OTUD6B: variants seen among roughly 807,000 people sequenced by gnomAD.
The protein encoded by OTUD6B is OTU deubiquitinase 6B.
A neutral mutation model predicts 36.9 loss-of-function variants in OTUD6B; 41 were observed. That is an observed-to-expected ratio of 1.11 (90% CI 0.87 to 1.44). The LOEUF (loss-of-function observed/expected upper bound fraction) is 1.44. Among genes scored for constraint, OTUD6B ranks in the 40% most tolerant of loss-of-function variants. OTUD6B has a pLI of 0.00. For synonymous variants in OTUD6B, 114 were observed against 114.2 expected, an observed-to-expected ratio of 1.00 and a Z score of 0.01; for missense variants, 356 against 344.8, an observed-to-expected ratio of 1.03 and a Z score of -0.26.
At chr8:91,073,945 G>A in intron 3 of OTUD6B, 34 bp downstream of exon 3, 2 of 1,415,492 alleles carry the variant, frequency 1.4e-6, no homozygotes, top group East Asian at 4.8e-5. Context: ...ATATAAGTTA[G>A]TGCTGTGTGT....
At chr8:91,075,553 T>G (rs1812786487) in intron 3 of OTUD6B, among the ~76,000 whole-genome samples, 2 of 152,104 alleles carry the variant, frequency 1.3e-5, no homozygotes, top group African/African-American at 4.8e-5. Context: ...ATTTTGTTAC[T>G]TTTTCCCTAA....
intron 3 of OTUD6B, among the ~76,000 whole-genome samples, chr8:91,074,736 A>C (rs1368499870): frequency 6.6e-6 from 1 of 152,056 alleles, no homozygotes; most frequent in Admixed American, 6.6e-5. Context: ...GATGTTTTCT[A>C]TGGTTTAAAT....
At position 91,086,063 on chromosome 8, in the gene OTUD6B, A is replaced by G. The variant is rs1302064798; in HGVS notation, c.*1195A>G. On this transcript the variant is annotated 3_prime_UTR_variant, in exon 7 of 7. Coordinates refer to ENST00000404789, the MANE Select transcript of OTUD6B (RefSeq NM_016023.5). ...GCTCAGATTTCAGGTTACTCACAACAGTATTCTTTCTAAGAGGATATATAC... is the reference window on the plus strand; with the variant it reads ...GCTCAGATTTCAGGTTACTCACAACGGTATTCTTTCTAAGAGGATATATAC... The G allele has an allele frequency of 1.3e-5, 2 of 152,114 alleles. No individual in the cohort carries two copies. Among genetic ancestry groups the G allele is most frequent in the Non-Finnish European group, 2.9e-5 (2 of 67,992 alleles). The allele number at this position is 152,114 out of a possible 1,614,324, so 9.4% of individuals were successfully genotyped here. A position where few individuals can be genotyped will look rare whatever the true frequency, so the allele number is the denominator to read the frequency against.
intron 3 of OTUD6B, chr8:91,076,350 G>A: frequency 3.6e-6 from 2 of 553,748 alleles, no homozygotes; most frequent in Non-Finnish European, 4.6e-6. Flanking sequence ...AGTGCTCTTG[G>A]GAAACTATAT....
chr8:91,081,647 TG>T (rs1812910551), intron 5 of OTUD6B, among the ~76,000 whole-genome samples: 1 of 147,320 alleles, frequency 6.8e-6, no homozygotes, highest in Non-Finnish European at 1.5e-5. Flanking sequence ...TAAGCTGAAG[TG>T]CCAGATGGAT....
rs1048081039 is a variant in OTUD6B, at chr8:91,085,598, C to T, written c.*730C>T. 3 of 151,980 alleles carry T rather than the reference C, an allele frequency of 2.0e-5. No homozygotes were observed. Among genetic ancestry groups the T allele is most frequent in the African/African-American group, 7.2e-5 (3 of 41,412 alleles). 9.4% of individuals were successfully genotyped at this position (151,980 alleles called of 1,614,324 possible). On this transcript the variant is annotated 3_prime_UTR_variant, in exon 7 of 7. Coordinates refer to ENST00000404789, the MANE Select transcript of OTUD6B (RefSeq NM_016023.5). Reference sequence around the variant, plus strand: ...TAAAAAAGACCTAATAGGTTACTGTCTTTTTAATGCATTTGTTATTCTTTC... The same window carrying T: ...TAAAAAAGACCTAATAGGTTACTGTTTTTTTAATGCATTTGTTATTCTTTC...
chr8:91,082,606 C>G (rs1020997446), intron 5 of OTUD6B, among the ~76,000 whole-genome samples: 6 of 151,748 alleles, frequency 4.0e-5, no homozygotes, highest in Non-Finnish European at 8.8e-5. Context: ...GTGACTTTGA[C>G]AAGTCTTGTA....
In OTUD6B at chr8:91,078,574, C is replaced by T. The variant is rs770053877; in HGVS notation, c.534C>T (p.Ala178=). The T allele has an allele frequency of 4.4e-6, 7 of 1,606,814 alleles. No homozygotes were observed. The highest frequency in any genetic ancestry group is 1.3e-5 in the African/African-American group (1 of 74,896). The part of the protein sequence containing the change: ...KEKDCALTVV[A]LRSQTAEYMQ... ...AGGATTGTGCTCTGACTGTGGTTGC[C>T]TTGAGAAGTCAGACCGCTGAGTATA... Residue 178 remains alanine (A), a synonymous_variant, in exon 4 of 7, where the codon GCC becomes GCT. Coordinates refer to ENST00000404789, the MANE Select transcript of OTUD6B (RefSeq NM_016023.5).
intron 2 of OTUD6B, 56 bp downstream of exon 2, chr8:91,071,345 T>G: frequency 7.3e-7 from 1 of 1,376,684 alleles, no homozygotes. Context: ...GCTGTCCACT[T>G]CTGTTAAATG....
At chr8:91,079,400 G>C (rs1281741764) in intron 4 of OTUD6B, among the ~76,000 whole-genome samples, 2 of 152,052 alleles carry the variant, frequency 1.3e-5, no homozygotes, top group Non-Finnish European at 2.9e-5. Context: ...AGTGGAGTCT[G>C]TCCTCCATGG....
Position 91,086,522 on chromosome 8 carries a change from G to T in OTUD6B, c.*1654G>T, listed in dbSNP as rs1422943947. ...CTTTGGGTTTATTTTGAAGTAATCT[G>T]TTACTTTAAAATGTCAACATTAGGA... is the stretch of plus-strand genomic sequence containing the variant. On this transcript the variant is annotated 3_prime_UTR_variant, in exon 7 of 7. Coordinates refer to ENST00000404789, the MANE Select transcript of OTUD6B (RefSeq NM_016023.5). The T allele has an allele frequency of 6.6e-6, 1 of 151,974 alleles. No individual in the cohort carries two copies. The highest frequency in any genetic ancestry group is 1.5e-5 in the Non-Finnish European group (1 of 67,940). The allele number at this position is 151,974 out of a possible 1,614,324, so 9.4% of individuals were successfully genotyped here. A position where few individuals can be genotyped will look rare whatever the true frequency, so the allele number is the denominator to read the frequency against.
rs1214361666 is a variant in OTUD6B at position 91,073,898 on chromosome 8, C to T, written c.302C>T (p.Ala101Val). Residue 101 changes from alanine to valine, a missense_variant, in exon 3 of 7, where the codon GCA becomes GTA. Coordinates refer to ENST00000404789, the MANE Select transcript of OTUD6B (RefSeq NM_016023.5). ...AATCAGCCACCTCGGATATCAAAAG[C>T]ACAAAAGAGACGGGTATGAAAGTCA... Reference protein sequence around the residue: ...LENQPPRISKAQKRREKKAAL... With the variant: ...LENQPPRISKVQKRREKKAAL... 6.3e-7 allele frequency: 1 copy of T among 1,589,686 alleles called. No homozygotes were observed. Among genetic ancestry groups the T allele is most frequent in the East Asian group, 2.3e-5 (1 of 44,162 alleles).
intron 3 of OTUD6B, among the ~76,000 whole-genome samples, chr8:91,075,101 A>G (rs1175903662): frequency 6.6e-6 from 1 of 152,126 alleles, no homozygotes; most frequent in African/African-American, 2.4e-5. Flanking sequence ...AGTGCATACT[A>G]TGCCTCTTAA....
intron 3 of OTUD6B, among the ~76,000 whole-genome samples, chr8:91,075,572 A>C (rs1812789301): frequency 6.6e-6 from 1 of 152,098 alleles, no homozygotes. Context: ...AAGATACTGC[A>C]CAACTGGAAT....
intron 3 of OTUD6B, among the ~76,000 whole-genome samples, chr8:91,074,148 C>G (rs1308160088): frequency 1.3e-5 from 2 of 152,060 alleles, no homozygotes; most frequent in African/African-American, 4.8e-5. Flanking sequence ...ATTTCTTATC[C>G]CCATTTTATG....
At chr8:91,077,528 T>G (rs893263255) in intron 3 of OTUD6B, among the ~76,000 whole-genome samples, 2 of 151,964 alleles carry the variant, frequency 1.3e-5, no homozygotes, top group Non-Finnish European at 2.9e-5. Flanking sequence ...TTTCCTTTCT[T>G]CTTCCCCAAC....
chr8:91,074,850 T>A (rs964783384), intron 3 of OTUD6B, among the ~76,000 whole-genome samples: 1 of 152,106 alleles, frequency 6.6e-6, no homozygotes, highest in Non-Finnish European at 1.5e-5. Flanking sequence ...TTTACTGTTA[T>A]ACTTTGGGTA....
chr8:91,074,218 G>A (rs1482862812), intron 3 of OTUD6B, among the ~76,000 whole-genome samples: 1 of 152,156 alleles, frequency 6.6e-6, no homozygotes, highest in African/African-American at 2.4e-5. Context: ...GCTCTCATAG[G>A]AGAGCGAAGC....
At position 91,078,555 on chromosome 8, in the gene OTUD6B, GTGCTCTGACTGTGGT is replaced by G. The variant is rs1812843202; in HGVS notation, c.519_533del (p.Thr175_Leu179del). 6.2e-7 allele frequency: 1 copy of G among 1,608,874 alleles called. No individual in the cohort carries two copies. The highest frequency in any genetic ancestry group is 8.5e-7 in the Non-Finnish European group (1 of 1,177,344). On this transcript the variant is annotated inframe_deletion, in exon 4 of 7. Transcript: ENST00000404789. ...GAAGATCAACTGAAAGAAAAGGATT[GTGCTCTGACTGTGGT>G]TGCCTTGAGAAGTCAGACCGCTGAG...
Sources: gnomAD v4.1 joint callset for allele counts (sites outside exome capture counted in the v4.1 genomes callset) on GRCh38, gnomAD v4.1.1 for gene constraint, MANE v1.5 for transcripts, NCBI Gene and HGNC (gene_info 2026-07-23, HGNC 2026-07-21) for gene names.